Variants in LRP1B observed in about 807,000 individuals in gnomAD.
LRP1B encodes the protein low-density lipoprotein receptor-related protein 1B.
Under a neutral mutation model 556.6 loss-of-function variants are expected in LRP1B, and 217 were observed. The observed-to-expected ratio is 0.39, with a 90% CI of 0.35 to 0.44. The LOEUF (loss-of-function observed/expected upper bound fraction) is 0.44, where lower values mean the gene tolerates loss of function less well. Among genes scored for constraint, LRP1B ranks in the 20% least tolerant of loss-of-function variants. LRP1B has a pLI of 1.00. For synonymous variants in LRP1B, 2,047 were observed against 1,865.8 expected (o/e 1.10, Z -2.50); for missense variants, 5,053 against 5,620.8 (o/e 0.90, Z 3.23).
At chr2:141,572,349 G>T (rs180683457) in intron 2 of LRP1B, among the ~76,000 whole-genome samples, 46 of 152,224 alleles carry the variant, frequency 3.0e-4, no homozygotes, top group African/African-American at 1.1e-3. Flanking sequence ...AAGCGAAGGA[G>T]AAATAAAATC....
intron 21 of LRP1B, among the ~76,000 whole-genome samples, chr2:140,909,179 T>C (rs1694345602): frequency 6.6e-6 from 1 of 152,158 alleles, no homozygotes; most frequent in East Asian, 1.9e-4. Context: ...AATTATCTTT[T>C]CCAGATTATG....
chr2:142,046,920 A>G (rs1439465132), intron 1 of LRP1B, among the ~76,000 whole-genome samples: 1 of 152,016 alleles, frequency 6.6e-6, no homozygotes, highest in Non-Finnish European at 1.5e-5. Context: ...CATCTTGTAC[A>G]TACTCACTTT....
intron 7 of LRP1B, among the ~76,000 whole-genome samples, chr2:141,077,273 CAA>C (rs1428534905): frequency 6.6e-6 from 1 of 151,898 alleles, no homozygotes; most frequent in East Asian, 1.9e-4. Flanking sequence ...CAAAAACAAA[CAA>C]ACAAACAAAA....
intron 3 of LRP1B, among the ~76,000 whole-genome samples, chr2:141,442,441 T>TA (rs1553515570): frequency 6.6e-6 from 1 of 151,278 alleles, no homozygotes; most frequent in Admixed American, 6.6e-5. Flanking sequence ...TTTTTTTTTT[T>TA]AATTATACTT....
intron 1 of LRP1B, among the ~76,000 whole-genome samples, chr2:142,072,197 C>A (rs1705341852): frequency 6.6e-6 from 1 of 151,926 alleles, no homozygotes; most frequent in Admixed American, 6.6e-5. Flanking sequence ...GTCTCATCCA[C>A]TTTATTCCCC....
intron 43 of LRP1B, among the ~76,000 whole-genome samples, chr2:140,556,598 G>T (rs1229953731): frequency 6.6e-6 from 1 of 151,990 alleles, no homozygotes; most frequent in Admixed American, 6.6e-5. Context: ...CTGTTCTCTT[G>T]TTACTGTGTC....
At chr2:141,364,199 T>C (rs935997698) in intron 3 of LRP1B, among the ~76,000 whole-genome samples, 3 of 151,814 alleles carry the variant, frequency 2.0e-5, no homozygotes, top group African/African-American at 7.3e-5. Context: ...ATTTCTCTAC[T>C]CACTTTTGTA....
rs770195202 is a variant in LRP1B at position 140,321,948 on chromosome 2, A to ATAAAG, written c.12640+10_12640+14dup. On this transcript the variant is annotated intron_variant, in intron 82 of 90. Coordinates refer to ENST00000389484, the MANE Select transcript of LRP1B (RefSeq NM_018557.3). The stretch of plus-strand genomic sequence containing the variant: ...GGATTAATTCATTATTTACAGAATA[A>ATAAAG]TAAAGTATACCCACCTAACAGGCTG... The ATAAAG allele has an allele frequency of 5.6e-6, 9 of 1,605,130 alleles. No individual in the cohort carries two copies. The Admixed American group carries it at 1.4e-4, about 25-fold the overall frequency.
At chr2:141,728,845 C>T (rs529029593) in intron 2 of LRP1B, among the ~76,000 whole-genome samples, 15 of 152,156 alleles carry the variant, frequency 9.9e-5, no homozygotes, top group East Asian at 1.9e-4. Context: ...CGCTCTCACA[C>T]GTGATGTTTG....
intron 1 of LRP1B, among the ~76,000 whole-genome samples, chr2:141,845,100 C>T (rs550645444): frequency 6.7e-6 from 1 of 150,246 alleles, no homozygotes; most frequent in Non-Finnish European, 1.5e-5. Flanking sequence ...GTAAATAATT[C>T]AGTACTGTTA....
At chr2:140,424,469 C>T (rs930891578) in intron 66 of LRP1B, among the ~76,000 whole-genome samples, 1 of 152,160 alleles carries the variant, frequency 6.6e-6, no homozygotes, top group African/African-American at 2.4e-5. Flanking sequence ...TTCCAGTAAA[C>T]CTCACCATGC....
intron 1 of LRP1B, among the ~76,000 whole-genome samples, chr2:142,076,119 TG>T (rs920745986): frequency 6.6e-6 from 1 of 152,118 alleles, no homozygotes; most frequent in African/African-American, 2.4e-5. Flanking sequence ...TGACCTTTAC[TG>T]TTAAAAAATG....
chr2:141,507,588 A>G (rs1425766045), intron 2 of LRP1B, among the ~76,000 whole-genome samples: 1 of 152,162 alleles, frequency 6.6e-6, no homozygotes, highest in African/African-American at 2.4e-5. Context: ...CATATTTAGC[A>G]TTCCAAAATT....
intron 1 of LRP1B, among the ~76,000 whole-genome samples, chr2:141,838,436 GTCC>G (rs1697363353): frequency 6.6e-6 from 1 of 152,088 alleles, no homozygotes; most frequent in Non-Finnish European, 1.5e-5. Flanking sequence ...GACTGTTTGA[GTCC>G]TCCCTCCCAT....
intron 1 of LRP1B, among the ~76,000 whole-genome samples, chr2:141,873,134 T>G (rs1698643560): frequency 6.6e-6 from 1 of 151,948 alleles, no homozygotes; most frequent in Non-Finnish European, 1.5e-5. Context: ...ATTACATGTT[T>G]TGACAGGATA....
At chr2:141,322,875 GCAGGAGTTTTGAGATACGAAT>G (rs1687295653) in intron 3 of LRP1B, among the ~76,000 whole-genome samples, 2 of 151,964 alleles carry the variant, frequency 1.3e-5, no homozygotes, top group African/African-American at 4.8e-5. Context: ...GCTCAGTAGA[GCAGGAGTTTTGAGATACGAAT>G]ATCCAAGATT....
chr2:141,658,530 C>G (rs904005252), intron 2 of LRP1B, among the ~76,000 whole-genome samples: 3 of 152,102 alleles, frequency 2.0e-5, no homozygotes, highest in African/African-American at 7.2e-5. Flanking sequence ...GGATGGGGAC[C>G]CAGCCATCCC....
At chr2:141,594,774 AT>A (rs1346946196) in intron 2 of LRP1B, among the ~76,000 whole-genome samples, 1 of 152,120 alleles carries the variant, frequency 6.6e-6, no homozygotes, top group Non-Finnish European at 1.5e-5. Context: ...AAAGAAGATA[AT>A]TTTTTGAGTT....
At chr2:140,298,246 G>A (rs1413481637) in intron 83 of LRP1B, among the ~76,000 whole-genome samples, 1 of 152,180 alleles carries the variant, frequency 6.6e-6, no homozygotes, top group Non-Finnish European at 1.5e-5. Flanking sequence ...TATATTGTTT[G>A]CTTAAAGTAC....
Sources: gnomAD v4.1 joint callset for allele counts (sites outside exome capture counted in the v4.1 genomes callset) on GRCh38, gnomAD v4.1.1 for gene constraint, MANE v1.5 for transcripts, NCBI Gene and HGNC (gene_info 2026-07-23, HGNC 2026-07-21) for gene names.